KIF19: variants seen among roughly 807,000 people sequenced by gnomAD.
KIF19 encodes the protein kinesin-like protein KIF19.
KIF19 carries 98 observed loss-of-function variants against 106.6 expected under a neutral mutation model. The observed-to-expected ratio is 0.92, with a 90% CI of 0.78 to 1.09. The LOEUF (loss-of-function observed/expected upper bound fraction) is 1.09. Ranked by LOEUF, KIF19 falls within the 50% of genes least tolerant of loss-of-function variation. The pLI is 0.00. For synonymous variants in KIF19, 516 were observed against 584.2 expected (o/e 0.88, Z 1.68); for missense variants, 1,373 against 1,414.3 (o/e 0.97, Z 0.47).
chr17:74,354,740 C>T lies in KIF19; in HGVS notation c.2707-42C>T, dbSNP rs773509405. ...TGGGACAGATCCTGGTAGCAGATCCCTGTGCCGCTCTCGGCCTCACCCCAC... is the reference window on the plus strand; with the variant it reads ...TGGGACAGATCCTGGTAGCAGATCCTTGTGCCGCTCTCGGCCTCACCCCAC... On this transcript the variant is annotated intron_variant, in intron 18 of 19. Coordinates refer to ENST00000389916, the MANE Select transcript of KIF19 (RefSeq NM_153209.4). The T allele has an allele frequency of 5.2e-6, 8 of 1,540,746 alleles. No individual in the cohort carries two copies. In the East Asian group the frequency reaches 2.0e-4, roughly 38 times the overall value.
At chr17:74,351,097 T>A in intron 12 of KIF19, 192 bp downstream of exon 12, 1 of 629,162 alleles carries the variant, frequency 1.6e-6, no homozygotes, top group South Asian at 1.8e-5. Context: ...ATGGGAGCAG[T>A]CCATGGTGCA....
At chr17:74,349,458 G>A in intron 10 of KIF19, 109 bp downstream of exon 10, 1 of 1,194,126 alleles carries the variant, frequency 8.4e-7, no homozygotes, top group East Asian at 2.6e-5. Flanking sequence ...TTCTGGCTGG[G>A]TGGTTGAGCT....
chr17:74,332,746 A>G (rs549308847), intron 2 of KIF19, among the ~76,000 whole-genome samples: 23 of 152,274 alleles, frequency 1.5e-4, no homozygotes, highest in Admixed American at 1.2e-3. Flanking sequence ...GACTCCTGGG[A>G]TGGAAAGGAG....
intron 1 of KIF19, among the ~76,000 whole-genome samples, chr17:74,327,325 C>G (rs1412289219): frequency 2.0e-5 from 3 of 152,182 alleles, no homozygotes; most frequent in African/African-American, 7.2e-5. Context: ...TAGAATGTGT[C>G]TCTTTGAAAA....
Position 74,344,250 on chromosome 17 carries a change from C to T in KIF19, c.484C>T (p.Leu162=). The part of the protein sequence containing the change: ...EIYNEMIRDL[L]NPSLGYLELR... ...CTACAATGAGATGATCCGGGACCTG[C>T]TGAACCCCTCCCTGGGCTACCTGGA... is the stretch of plus-strand genomic sequence containing the variant. The change falls in exon 6 of 20, where the codon CTG becomes TTG. Residue 162 remains leucine, a synonymous_variant. Coordinates refer to ENST00000389916, the MANE Select transcript of KIF19 (RefSeq NM_153209.4). 6.2e-7 allele frequency: 1 copy of T among 1,613,014 alleles called. No homozygotes were observed. The highest frequency in any genetic ancestry group is 8.5e-7 in the Non-Finnish European group (1 of 1,179,732).
chr17:74,330,704 G>A (rs887986429), intron 2 of KIF19, among the ~76,000 whole-genome samples: 4 of 152,236 alleles, frequency 2.6e-5, no homozygotes, highest in Non-Finnish European at 5.9e-5. Flanking sequence ...CTATCCCTGC[G>A]TGTGGAGCAG....
intron 2 of KIF19, among the ~76,000 whole-genome samples, chr17:74,340,417 G>A (rs1227818636): frequency 2.0e-5 from 3 of 152,186 alleles, no homozygotes; most frequent in Non-Finnish European, 4.4e-5. Context: ...AGTGCACAGG[G>A]GCAGAGGCAG....
chr17:74,330,982 G>A (rs568402652), intron 2 of KIF19, among the ~76,000 whole-genome samples: 26 of 152,344 alleles, frequency 1.7e-4, no homozygotes, highest in Admixed American at 1.6e-3. Flanking sequence ...ACGGAGGACT[G>A]TAGTTTAGGA....
chr17:74,328,564 C>T (rs953523335), intron 2 of KIF19, 59 bp downstream of exon 2: 7 of 1,458,542 alleles, frequency 4.8e-6, no homozygotes, highest in African/African-American at 4.2e-5. Flanking sequence ...TGGCTCAGCT[C>T]ACCTGGTGAG....
At position 74,353,509 on chromosome 17, in the gene KIF19, AG is replaced by A. The variant is rs765756525; in HGVS notation, c.2237del (p.Ser746ThrfsTer30). The A allele has an allele frequency of 8.1e-6, 13 of 1,613,872 alleles. No homozygotes were observed. Among genetic ancestry groups the A allele is most frequent in the Non-Finnish European group, 1.1e-5 (13 of 1,179,866 alleles). On this transcript the variant is annotated frameshift_variant, in exon 17 of 20. Coordinates refer to ENST00000389916, the MANE Select transcript of KIF19 (RefSeq NM_153209.4). LOFTEE classifies it high-confidence loss of function. ...LVTQEAPAQD[S>X]LGSWINSSPD... The stretch of plus-strand genomic sequence containing the variant: ...CACCCCACAGGCCCCGGCTCAGGAC[AG>A]CCTGGGCAGCTGGATCAACTCTTCC...
At chr17:74,351,737 T>G in intron 12 of KIF19, 130 bp from the exon 13 acceptor site, 1 of 1,056,146 alleles carries the variant, frequency 9.5e-7, no homozygotes, top group Non-Finnish European at 1.3e-6. Context: ...GATTCAGCTT[T>G]TAGGGTTGGC....
chr17:74,347,972 C>G, intron 9 of KIF19, 73 bp downstream of exon 9: 1 of 1,500,418 alleles, frequency 6.7e-7, no homozygotes, highest in Non-Finnish European at 9.0e-7. Flanking sequence ...CTGATCCCTG[C>G]CACCCCACTG....
At chr17:74,341,761 G>A (rs552281711) in intron 2 of KIF19, 115 bp from the exon 3 acceptor site, 1 of 749,058 alleles carries the variant, frequency 1.3e-6, no homozygotes, top group Non-Finnish European at 2.4e-6. Flanking sequence ...GCCCAGAAGG[G>A]CTTTGTTAAC....
chr17:74,330,024 CTT>C (rs2054032774), intron 2 of KIF19, among the ~76,000 whole-genome samples: 2 of 152,250 alleles, frequency 1.3e-5, no homozygotes, highest in South Asian at 4.1e-4. Flanking sequence ...ACTCAAGCCT[CTT>C]TCTTCAGCAG....
rs2054493157 is a variant in KIF19 at position 74,344,942 on chromosome 17, A to G, written c.764A>G (p.Glu255Gly). Reference sequence around the variant, plus strand: ...TTCATGATCGACCTGGCTGGCTCAGAGCGCGCCTCGCAGGTGAGGCTGGGA... The same window carrying G: ...TTCATGATCGACCTGGCTGGCTCAGGGCGCGCCTCGCAGGTGAGGCTGGGA... ...RLFMIDLAGS[E>G]RASQTQNRGQ... is the part of the protein sequence containing the mutation. Residue 255 changes from glutamate (E) to glycine (G), a missense_variant, in exon 7 of 20, where the codon GAG becomes GGG. Physicochemically the swap from Glu to Gly is moderately conservative, Grantham distance 98 (BLOSUM62 -2). Coordinates refer to ENST00000389916, the MANE Select transcript of KIF19 (RefSeq NM_153209.4). 1.9e-6 allele frequency: 3 copies of G among 1,604,980 alleles called. No homozygotes were observed. The highest frequency in any genetic ancestry group is 8.5e-7 in the Non-Finnish European group (1 of 1,177,664).
intron 3 of KIF19, 77 bp downstream of exon 3, chr17:74,342,063 G>C: frequency 3.7e-6 from 4 of 1,079,222 alleles, no homozygotes; most frequent in Non-Finnish European, 5.6e-6. Context: ...GGCCCTCCAG[G>C]GCCCCTGCCT....
rs148507128 is a variant in KIF19 at position 74,344,819 on chromosome 17, A to G, written c.641A>G (p.Asn214Ser). ...AGGACCCAGGAGCCCACGGCCGCCA[A>G]CCAGACGTCCTCCCGCTCCCACGCG... ...RQRTQEPTAANQTSSRSHAVL... is the reference protein window; with the variant it reads ...RQRTQEPTAASQTSSRSHAVL... Residue 214 changes from asparagine (N) to serine (S), a missense_variant, in exon 7 of 20, where the codon AAC becomes AGC. Coordinates refer to ENST00000389916, the MANE Select transcript of KIF19 (RefSeq NM_153209.4). The G allele has an allele frequency of 4.0e-5, 64 of 1,612,224 alleles. No homozygotes were observed. Among genetic ancestry groups the G allele is most frequent in the Admixed American group, 5.0e-5 (3 of 59,998 alleles).
intron 8 of KIF19, among the ~76,000 whole-genome samples, chr17:74,347,509 C>T (rs911643714): frequency 5.3e-5 from 8 of 150,212 alleles, no homozygotes; most frequent in African/African-American, 7.4e-5. Flanking sequence ...TGCACTCCAG[C>T]CTGGATGACA....
intron 2 of KIF19, among the ~76,000 whole-genome samples, chr17:74,333,420 T>C (rs1050812137): frequency 2.7e-5 from 4 of 147,342 alleles, no homozygotes; most frequent in Non-Finnish European, 5.9e-5. Flanking sequence ...TGGAGTGCCG[T>C]GGCGCTATCT....
Sources: gnomAD v4.1 joint callset for allele counts (sites outside exome capture counted in the v4.1 genomes callset) on GRCh38, gnomAD v4.1.1 for gene constraint, MANE v1.5 for transcripts, NCBI Gene and HGNC (gene_info 2026-07-23, HGNC 2026-07-21) for gene names.